The following COPB1 variants were observed in gnomAD, a reference collection of about 807,000 sequenced individuals.
COPB1 encodes coatomer subunit beta.
In COPB1, 21 loss-of-function variants were observed where a neutral mutation model predicts 108.7. The ratio of observed to expected loss-of-function variants is 0.19; its 90% confidence interval spans 0.14 to 0.28. COPB1 has a LOEUF of 0.28. Ranked by LOEUF, COPB1 falls within the 10% of genes least tolerant of loss-of-function variation. The pLI, the probability that COPB1 is intolerant of heterozygous loss-of-function variation, is 1.00. For missense variants in COPB1, 919 were observed against 1,141.3 expected, an observed-to-expected ratio of 0.81 and a Z score of 2.81; for synonymous variants, 378 against 386.8, an observed-to-expected ratio of 0.98 and a Z score of 0.27.
At chr11:14,485,241 C>T (rs570839171) in intron 7 of COPB1, among the ~76,000 whole-genome samples, 17 of 152,138 alleles carry the variant, frequency 1.1e-4, no homozygotes, top group Non-Finnish European at 1.3e-4. Context: ...ACTGCAACCT[C>T]GAACTCCTGG....
chr11:14,475,283 T>C (rs1013116608), intron 13 of COPB1, among the ~76,000 whole-genome samples: 126 of 152,206 alleles, frequency 8.3e-4, no homozygotes, highest in African/African-American at 2.8e-3. Context: ...ATGGAGATAA[T>C]ATATTCTATC....
intron 4 of COPB1, among the ~76,000 whole-genome samples, chr11:14,492,142 CTT>C (rs1294965263): frequency 2.0e-5 from 3 of 152,126 alleles, no homozygotes; most frequent in African/African-American, 4.8e-5. Context: ...ATCAAGGACT[CTT>C]TACTTGCAAA....
chr11:14,464,779 C>T (rs981146810), intron 18 of COPB1, 132 bp downstream of exon 18: 1 of 968,140 alleles, frequency 1.0e-6, no homozygotes, highest in Non-Finnish European at 1.5e-6. Flanking sequence ...TGCGTGGTAC[C>T]ATAGAGAGTA....
intron 4 of COPB1, 120 bp from the exon 5 acceptor site, chr11:14,490,799 T>C: frequency 1.6e-6 from 1 of 616,978 alleles, no homozygotes; most frequent in Non-Finnish European, 2.8e-6. Flanking sequence ...TTGCTTTTTT[T>C]TTTTTTTGGA....
chr11:14,498,082 A>G (rs150277004), intron 2 of COPB1, among the ~76,000 whole-genome samples: 313 of 152,342 alleles, frequency 2.1e-3, no homozygotes, highest in Non-Finnish European at 3.6e-3. Flanking sequence ...TGGGTACAGA[A>G]AAAATGAGTT....
At chr11:14,477,240 C>T (rs907744227) in intron 11 of COPB1, among the ~76,000 whole-genome samples, 16 of 151,426 alleles carry the variant, frequency 1.1e-4, no homozygotes, top group African/African-American at 2.4e-4. Context: ...AAAAATTAGC[C>T]GGGCATGGTG....
chr11:14,485,713 C>T (rs529821141), intron 7 of COPB1, among the ~76,000 whole-genome samples: 2 of 152,024 alleles, frequency 1.3e-5, no homozygotes, highest in African/African-American at 2.4e-5. Context: ...CTGGGCATAG[C>T]GGTGGGCACC....
intron 21 of COPB1, 131 bp from the exon 22 acceptor site, chr11:14,458,014 G>C: frequency 1.2e-5 from 5 of 411,910 alleles, no homozygotes; most frequent in East Asian, 4.8e-5. Context: ...ATACCAAACA[G>C]ACTTACCAAA....
intron 18 of COPB1, among the ~76,000 whole-genome samples, chr11:14,463,454 G>T (rs1243103444): frequency 6.6e-6 from 1 of 152,198 alleles, no homozygotes; most frequent in Non-Finnish European, 1.5e-5. Flanking sequence ...AGTTAGCTGG[G>T]ACTACAGGCG....
chr11:14,476,859 T>C, intron 12 of COPB1, 60 bp downstream of exon 12: 1 of 1,075,880 alleles, frequency 9.3e-7, no homozygotes, highest in Non-Finnish European at 1.4e-6. Context: ...CTATAAAAAG[T>C]CAGATTTTCC....
chr11:14,485,465 C>A (rs1374695176), intron 7 of COPB1, among the ~76,000 whole-genome samples: 1 of 152,196 alleles, frequency 6.6e-6, no homozygotes, highest in Non-Finnish European at 1.5e-5. Flanking sequence ...CTGTGCCCAG[C>A]CACGCACGTA....
chr11:14,468,612 A>T (rs1850334185), intron 16 of COPB1, 69 bp downstream of exon 16: 1 of 1,415,426 alleles, frequency 7.1e-7, no homozygotes, highest in Admixed American at 2.0e-5. Flanking sequence ...TCTTTTAAAA[A>T]TAGCAGCACT....
intron 6 of COPB1, 43 bp downstream of exon 6, chr11:14,488,449 A>T (rs749368614): frequency 7.8e-7 from 1 of 1,279,104 alleles, no homozygotes; most frequent in Admixed American, 1.8e-5. Flanking sequence ...CCCTGTCTTA[A>T]ACTGCTGAGT....
chr11:14,479,430 G>T, intron 11 of COPB1, 139 bp downstream of exon 11: 2 of 707,134 alleles, frequency 2.8e-6, no homozygotes, highest in Non-Finnish European at 2.2e-6. Flanking sequence ...AGTGGAGTTA[G>T]CGAGATGCTT....
In COPB1 at chr11:14,480,826, A is replaced by G. The variant is rs1316314472; in HGVS notation, c.1145T>C (p.Leu382Pro). The change falls in exon 10 of 22, where the codon CTC becomes CCC. Residue 382 changes from leucine to proline, a missense_variant. This residue lies in a region of COPB1 where 705 missense variants were observed against 817.8 expected (regional missense o/e 0.86). Transcript: ENST00000439561. ...EHEDTDKYRQ[L>P]LVRTLHSCSV... is the part of the protein sequence containing the mutation. The stretch of plus-strand genomic sequence containing the variant: ...ACAGGAATGCAATGTTCGCACTAGG[A>G]GTTGTCTGTATTTGTCAGTATCTTC... 1.9e-6 allele frequency: 3 copies of G among 1,614,040 alleles called. No homozygotes were observed. The highest frequency in any genetic ancestry group is 1.7e-5 in the Admixed American group (1 of 60,016).
At position 14,465,068 on chromosome 11, in the gene COPB1, C is replaced by CACAT. The variant is rs777751247; in HGVS notation, c.2291-39_2291-38insATGT. ...GTTTGGATATGGTTAAAAATACACA[C>CACAT]ACACACACACACACACACACACACA... On this transcript the variant is annotated intron_variant, in intron 17 of 21. Coordinates refer to ENST00000439561, the MANE Select transcript of COPB1 (RefSeq NM_001144061.2). 3 of 241,882 alleles carry CACAT rather than the reference C, an allele frequency of 1.2e-5. No individual in the cohort carries two copies. In the East Asian group the frequency reaches 9.2e-4, roughly 74 times the overall value. The allele number at this position is 241,882 out of a possible 1,614,324, so 15.0% of individuals were successfully genotyped here.
At chr11:14,496,039 G>T (rs2134130487) in intron 2 of COPB1, among the ~76,000 whole-genome samples, 1 of 152,212 alleles carries the variant, frequency 6.6e-6, no homozygotes, top group East Asian at 1.9e-4. Context: ...AAGTAACCTA[G>T]AATCAGGAGG....
chr11:14,484,630 A>G (rs1850731396), intron 7 of COPB1, among the ~76,000 whole-genome samples: 1 of 152,192 alleles, frequency 6.6e-6, no homozygotes, highest in Non-Finnish European at 1.5e-5. Context: ...AGGCAGGAGA[A>G]TCACTTGAAT....
intron 14 of COPB1, chr11:14,474,127 T>C: frequency 6.0e-6 from 1 of 167,524 alleles, no homozygotes; most frequent in Non-Finnish European, 1.3e-5. Context: ...TTAAGAGACA[T>C]TCTGGGATAA....
Sources: gnomAD v4.1 joint callset for allele counts (sites outside exome capture counted in the v4.1 genomes callset) on GRCh38, gnomAD v4.1.1 for gene constraint, gnomAD v4.1.1 regional missense constraint, MANE v1.5 for transcripts, NCBI Gene and HGNC (gene_info 2026-07-23, HGNC 2026-07-21) for gene names.